UMAD1: variants seen among roughly 807,000 people sequenced by gnomAD.
UMAD1 encodes the protein UBAP1-MVB12-associated (UMA) domain containing 1.
Under a neutral mutation model 6.1 loss-of-function variants are expected in UMAD1, and 8 were observed. The observed-to-expected ratio is 1.30, with a 90% CI of 0.76 to 2.35. The LOEUF (loss-of-function observed/expected upper bound fraction) is 2.35. UMAD1 is among the 30% of genes most tolerant of loss of function. The probability of loss-of-function intolerance (pLI) is 0.00; values close to 1 mark genes in which losing one functional copy is unlikely to be tolerated. For missense variants in UMAD1, 130 were observed against 78.4 expected (o/e 1.66, Z -2.49); for synonymous variants, 56 against 31.4 (o/e 1.78, Z -2.61).
intron 3 of UMAD1, among the ~76,000 whole-genome samples, chr7:7,861,180 C>T (rs371527323): frequency 2.4e-4 from 36 of 152,082 alleles, no homozygotes; most frequent in African/African-American, 8.7e-4. Flanking sequence ...GATGGTTGCA[C>T]AACACTGTGA....
chr7:7,780,191 A>G (rs901032493), intron 2 of UMAD1, among the ~76,000 whole-genome samples: 2 of 152,132 alleles, frequency 1.3e-5, no homozygotes, highest in African/African-American at 4.8e-5. Flanking sequence ...GCCATTTACT[A>G]CACACATCCT....
At chr7:7,700,682 G>T (rs1780438779) in intron 2 of UMAD1, among the ~76,000 whole-genome samples, 1 of 152,218 alleles carries the variant, frequency 6.6e-6, no homozygotes, top group African/African-American at 2.4e-5. Context: ...AAGGTCAGGA[G>T]TTCAAGACCA....
Position 7,809,549 on chromosome 7 carries a change from G to A in UMAD1, c.156+7806G>A, listed in dbSNP as rs75443321. On this transcript the variant is annotated intron_variant, in intron 3 of 3. Transcript: ENST00000682710. Reference sequence around the variant, plus strand: ...CCCTTACGTGCTTATCTTTTTTCATGGTAAAAACATTTAAAATCTCTTTTA... The same window carrying A: ...CCCTTACGTGCTTATCTTTTTTCATAGTAAAAACATTTAAAATCTCTTTTA... Among the ~76,000 whole-genome samples, 374 of 151,880 alleles carry A rather than the reference G, an allele frequency of 2.5e-3. 3 individuals carry two copies. The highest frequency in any genetic ancestry group is 8.6e-3 in the African/African-American group (355 of 41,460).
intron 2 of UMAD1, among the ~76,000 whole-genome samples, chr7:7,741,447 T>C (rs1430406268): frequency 1.3e-5 from 2 of 151,652 alleles, no homozygotes; most frequent in Non-Finnish European, 2.9e-5. Context: ...GGCGTGCGCC[T>C]GTAGTCGTAG....
At chr7:7,868,474 G>T (rs555921210) in intron 3 of UMAD1, 93 of 152,166 alleles carry the variant, frequency 6.1e-4, no homozygotes, top group African/African-American at 2.2e-3. Flanking sequence ...AAAAGAGGAA[G>T]TCGGGAGAAC....
At chr7:7,764,647 G>A (rs1199772409) in intron 2 of UMAD1, among the ~76,000 whole-genome samples, 3 of 152,150 alleles carry the variant, frequency 2.0e-5, no homozygotes, top group African/African-American at 7.2e-5. Context: ...TAACAGTGCC[G>A]GAATTGATTG....
chr7:7,835,883 G>C (rs1783559624), intron 3 of UMAD1, among the ~76,000 whole-genome samples: 1 of 151,704 alleles, frequency 6.6e-6, no homozygotes, highest in Admixed American at 6.6e-5. Flanking sequence ...TTCTCAATTG[G>C]TTTGGAAGAT....
intron 2 of UMAD1, among the ~76,000 whole-genome samples, chr7:7,795,800 A>G (rs1476215877): frequency 6.6e-6 from 1 of 152,188 alleles, no homozygotes; most frequent in African/African-American, 2.4e-5. Flanking sequence ...TATAATGAAC[A>G]TTGAGGATGA....
chr7:7,874,155 G>A (rs1206384257), intron 3 of UMAD1, among the ~76,000 whole-genome samples: 1 of 152,090 alleles, frequency 6.6e-6, no homozygotes, highest in African/African-American at 2.4e-5. Flanking sequence ...CTGTGCTCTT[G>A]TTCTCATATC....
chr7:7,843,195 G>A (rs1783715861), intron 3 of UMAD1, among the ~76,000 whole-genome samples: 1 of 152,198 alleles, frequency 6.6e-6, no homozygotes, highest in Non-Finnish European at 1.5e-5. Flanking sequence ...TTAAAGTTGA[G>A]CATTTGACTG....
chr7:7,830,842 T>C lies in UMAD1; in HGVS notation c.156+29099T>C, dbSNP rs1783450275. ...GTGAATGTAAATTGAAGCCTGTTTA[T>C]ATCTTCCCATCTTTTTAAGTATCTG... On this transcript the variant is annotated intron_variant, in intron 3 of 3. Coordinates refer to ENST00000682710, the MANE Select transcript of UMAD1 (RefSeq NM_001302348.2). The surrounding 1 kb of genome is among the most constrained non-coding windows in gnomAD (Gnocchi z 5.3). Among the ~76,000 whole-genome samples, 1 of 152,208 alleles carries C rather than the reference T, an allele frequency of 6.6e-6. No homozygotes were observed. The highest frequency in any genetic ancestry group is 1.5e-5 in the Non-Finnish European group (1 of 68,018).
chr7:7,723,948 T>G (rs1781095483), intron 2 of UMAD1, among the ~76,000 whole-genome samples: 1 of 152,186 alleles, frequency 6.6e-6, no homozygotes, highest in East Asian at 1.9e-4. Flanking sequence ...TCAGATCGAA[T>G]GGACAAAAGA....
chr7:7,758,683 T>G (rs905615147), intron 2 of UMAD1, among the ~76,000 whole-genome samples: 1 of 152,260 alleles, frequency 6.6e-6, no homozygotes, highest in African/African-American at 2.4e-5. Flanking sequence ...TGTCATTTTC[T>G]TTGTATTCTG....
intron 1 of UMAD1, among the ~76,000 whole-genome samples, chr7:7,665,002 GAT>G (rs61708850): frequency 0.059 from 8,865 of 151,220 alleles, 334 homozygotes; most frequent in Middle Eastern, 0.13. Context: ...GTGATATATA[GAT>G]ATATATATAT....
In UMAD1 at chr7:7,658,106, CTGTT is replaced by C. The variant is rs1281369686; in HGVS notation, c.-63-15199_-63-15196del. Reference sequence around the variant, plus strand: ...GGGAGTTCACTCATGCTTTGGCTCTCTGTTTGTCTATTATTGGTGTATAGGAATG... The same window carrying C: ...GGGAGTTCACTCATGCTTTGGCTCTCTGTCTATTATTGGTGTATAGGAATG... On this transcript the variant is annotated intron_variant, in intron 1 of 3. Coordinates refer to ENST00000682710, the MANE Select transcript of UMAD1 (RefSeq NM_001302348.2). Among the ~76,000 whole-genome samples the C allele has an allele frequency of 1.9e-4, 29 of 152,268 alleles. 1 individual carries two copies. The highest frequency in any genetic ancestry group is 6.0e-4 in the African/African-American group (25 of 41,546).
intron 3 of UMAD1, among the ~76,000 whole-genome samples, chr7:7,805,082 T>C (rs1782885267): frequency 6.6e-6 from 1 of 152,202 alleles, no homozygotes; most frequent in Admixed American, 6.6e-5. Context: ...AAAATGAGTC[T>C]TATCCAGCCT....
At chr7:7,809,297 G>C (rs10269584) in intron 3 of UMAD1, among the ~76,000 whole-genome samples, 24,649 of 151,816 alleles carry the variant, frequency 0.16, 2,188 homozygotes, top group African/African-American at 0.22. Flanking sequence ...ACAAAAGCTT[G>C]AGTTCTTTTG....
At chr7:7,668,940 C>T (rs542188207) in intron 1 of UMAD1, among the ~76,000 whole-genome samples, 9 of 152,142 alleles carry the variant, frequency 5.9e-5, no homozygotes, top group Non-Finnish European at 1.2e-4. Flanking sequence ...CAGAAAGGAA[C>T]CATGTAGACA....
rs75276521 is a variant in UMAD1 at position 7,838,011 on chromosome 7, C to A, written c.156+36268C>A. ...ATGACACTTCTAATGTTGTATGCCC[C>A]CAATAACAGACTAAAATTATATAAA... On this transcript the variant is annotated intron_variant, in intron 3 of 3. Coordinates refer to ENST00000682710, the MANE Select transcript of UMAD1 (RefSeq NM_001302348.2). Among the ~76,000 whole-genome samples the A allele has an allele frequency of 2.0e-5, 3 of 151,772 alleles. No individual in the cohort carries two copies. In the East Asian group the frequency reaches 5.8e-4, roughly 29 times the overall value.
Sources: gnomAD v4.1 joint callset for allele counts (sites outside exome capture counted in the v4.1 genomes callset) on GRCh38, gnomAD v4.1.1 for gene constraint, Gnocchi (gnomAD v3.1) non-coding constraint, MANE v1.5 for transcripts, NCBI Gene and HGNC (gene_info 2026-07-23, HGNC 2026-07-21) for gene names.